DPP6: variants seen among roughly 807,000 people sequenced by gnomAD.
DPP6 encodes the protein A-type potassium channel modulatory protein DPP6.
DPP6 carries 69 observed loss-of-function variants against 122.6 expected under a neutral mutation model. The observed-to-expected ratio is 0.56, with a 90% CI of 0.46 to 0.69. The LOEUF is 0.69. DPP6 is among the 30% of genes least tolerant of loss of function. The pLI is 0.00. For missense variants in DPP6, 928 were observed against 1,116.9 expected (o/e 0.83, Z 2.41); for synonymous variants, 418 against 433.1 (o/e 0.97, Z 0.43).
chr7:154,239,992 T>TAAAAAAAAAAAAA (rs763543397), intron 1 of DPP6, among the ~76,000 whole-genome samples: 2 of 50,398 alleles, frequency 4.0e-5, no homozygotes, highest in Non-Finnish European at 7.7e-5. Context: ...ATGCTGTCTT[T>TAAAAAAAAAAAAA]AAAAAAAAAA....
chr7:154,669,546 G>A, intron 7 of DPP6, 105 bp downstream of exon 7: 12 of 1,141,024 alleles, frequency 1.1e-5, no homozygotes, highest in Non-Finnish European at 1.4e-5. Flanking sequence ...TGTTGTGTGT[G>A]TGTGTGTGTG....
At chr7:154,748,817 G>T (rs531114984) in intron 8 of DPP6, among the ~76,000 whole-genome samples, 3 of 152,232 alleles carry the variant, frequency 2.0e-5, no homozygotes, top group Non-Finnish European at 4.4e-5. Context: ...GCCTTGTCCT[G>T]CAAGCCCAGT....
chr7:154,099,497 T>C (rs1805581663), intron 1 of DPP6, among the ~76,000 whole-genome samples: 1 of 152,124 alleles, frequency 6.6e-6, no homozygotes. Flanking sequence ...TTAAAATTAT[T>C]AAAAGCGTGG....
At chr7:154,184,776 C>A (rs1798271766) in intron 1 of DPP6, among the ~76,000 whole-genome samples, 1 of 151,464 alleles carries the variant, frequency 6.6e-6, no homozygotes, top group South Asian at 2.1e-4. Flanking sequence ...TTCAGTCGTG[C>A]CTGTTTGATG....
Position 153,896,304 on chromosome 7 carries a change from T to G in DPP6, c.51+8570T>G, listed in dbSNP as rs573191195. Among the ~76,000 whole-genome samples, 42 of 152,306 alleles carry G rather than the reference T, an allele frequency of 2.8e-4. 2 individuals are homozygous for G. In the South Asian group the frequency reaches 8.5e-3, roughly 31 times the overall value. On this transcript the variant is annotated intron_variant, in intron 1 of 25. Transcript: ENST00000404039. ...TCTCATACGTTTCATTACATTAATC[T>G]AAAAAATGGTACTTCTAGGGTATGT...
chr7:154,437,373 A>G (rs372730537), intron 1 of DPP6, among the ~76,000 whole-genome samples: 1 of 152,174 alleles, frequency 6.6e-6, no homozygotes, highest in Non-Finnish European at 1.5e-5. Flanking sequence ...CCTCAGGAAG[A>G]GCCCATCCTC....
chr7:154,494,733 A>G (rs558213802), intron 3 of DPP6, among the ~76,000 whole-genome samples: 7 of 152,296 alleles, frequency 4.6e-5, no homozygotes, highest in African/African-American at 1.7e-4. Flanking sequence ...GTTTCACATC[A>G]GGCCCAGTGA....
chr7:154,857,175 GA>G (rs937434151), intron 17 of DPP6, among the ~76,000 whole-genome samples: 12 of 150,758 alleles, frequency 8.0e-5, no homozygotes, highest in East Asian at 7.8e-4. Context: ...TTTTAACTTG[GA>G]AAAAAAAATG....
chr7:154,154,049 AG>A (rs1796561823), intron 1 of DPP6, among the ~76,000 whole-genome samples: 1 of 152,242 alleles, frequency 6.6e-6, no homozygotes, highest in African/African-American at 2.4e-5. Flanking sequence ...AATTCCCATC[AG>A]CCAGGAGGTG....
chr7:153,962,780 C>T (rs1051045745), intron 1 of DPP6, among the ~76,000 whole-genome samples: 2 of 152,220 alleles, frequency 1.3e-5, no homozygotes, highest in Admixed American at 1.3e-4. Flanking sequence ...CACCTTCAGA[C>T]ACCACCTTCC....
At chr7:153,967,254 T>C (rs1309656758) in intron 1 of DPP6, among the ~76,000 whole-genome samples, 1 of 152,014 alleles carries the variant, frequency 6.6e-6, no homozygotes, top group African/African-American at 2.4e-5. Flanking sequence ...AGATTTGCAG[T>C]TGGGGTCATA....
At chr7:154,464,488 G>A (rs1416161739) in intron 2 of DPP6, among the ~76,000 whole-genome samples, 1 of 152,192 alleles carries the variant, frequency 6.6e-6, no homozygotes, top group Admixed American at 6.5e-5. Context: ...CCTATAGAGA[G>A]GATGATCAGT....
At chr7:154,801,820 A>T (rs570575008) in intron 13 of DPP6, among the ~76,000 whole-genome samples, 2 of 152,056 alleles carry the variant, frequency 1.3e-5, no homozygotes, top group Non-Finnish European at 2.9e-5. Flanking sequence ...CCGCTGAGGC[A>T]TGGCTCCATG....
At chr7:154,244,584 C>T (rs1209650662) in intron 1 of DPP6, among the ~76,000 whole-genome samples, 3 of 152,008 alleles carry the variant, frequency 2.0e-5, no homozygotes, top group Non-Finnish European at 2.9e-5. Context: ...TGGAATTAAA[C>T]TGTTATAAAT....
chr7:153,783,533 A>G, the DPP6 span, among the ~76,000 whole-genome samples: 2 of 152,304 alleles, frequency 1.3e-5, no homozygotes, highest in African/African-American at 2.4e-5. Context: ...TCACAGTGTA[A>G]ATGTACATTC....
the DPP6 span, among the ~76,000 whole-genome samples, chr7:153,852,136 A>G: frequency 0.31 from 47,256 of 151,960 alleles, 7,511 homozygotes; most frequent in South Asian, 0.33. Flanking sequence ...ATTCAGCAGC[A>G]TTTTCTGTTA....
intron 8 of DPP6, among the ~76,000 whole-genome samples, chr7:154,746,948 T>TACC (rs1563164134): frequency 6.6e-6 from 1 of 152,226 alleles, no homozygotes; most frequent in Non-Finnish European, 1.5e-5. Flanking sequence ...TTATGTCTTT[T>TACC]ACCTCCTGCT....
At chr7:154,487,886 G>C (rs958570895) in intron 3 of DPP6, among the ~76,000 whole-genome samples, 1 of 152,136 alleles carries the variant, frequency 6.6e-6, no homozygotes, top group Admixed American at 6.6e-5. Context: ...CGTCCCCTGT[G>C]ACTCATCAAT....
chr7:154,476,522 G>A (rs964382638), intron 3 of DPP6, among the ~76,000 whole-genome samples: 3 of 152,200 alleles, frequency 2.0e-5, no homozygotes, highest in Non-Finnish European at 2.9e-5. Flanking sequence ...TGTTGGAGAC[G>A]TATCTATGAG....
Sources: allele counts gnomAD v4.1 joint callset (sites outside exome capture counted in the v4.1 genomes callset), GRCh38; gene constraint gnomAD v4.1.1; transcripts MANE v1.5; gene names NCBI Gene and HGNC (gene_info 2026-07-23, HGNC 2026-07-21).